The following EPHA3 variants were observed in gnomAD, a reference collection of about 807,000 sequenced individuals.
The protein encoded by EPHA3 is EPH receptor A3.
Under a neutral mutation model 107.1 loss-of-function variants are expected in EPHA3, and 42 were observed. The observed-to-expected ratio is 0.39, with a 90% CI of 0.31 to 0.51. The LOEUF (loss-of-function observed/expected upper bound fraction) is 0.51. Ranked by LOEUF, EPHA3 falls within the 20% of genes least tolerant of loss-of-function variation. The pLI is 0.78. For synonymous variants in EPHA3, 461 were observed against 424.8 expected, an observed-to-expected ratio of 1.09 and a Z score of -1.05; for missense variants, 1,183 against 1,211.2, an observed-to-expected ratio of 0.98 and a Z score of 0.35.
intron 3 of EPHA3, among the ~76,000 whole-genome samples, chr3:89,242,095 A>G (rs556076291): frequency 1.3e-5 from 2 of 152,222 alleles, no homozygotes; most frequent in African/African-American, 4.8e-5. Flanking sequence ...TATGAAAGGA[A>G]ATACACGGTT....
At chr3:89,335,149 G>A (rs761225237) in intron 3 of EPHA3, among the ~76,000 whole-genome samples, 10 of 152,094 alleles carry the variant, frequency 6.6e-5, no homozygotes, top group Non-Finnish European at 2.9e-5. Flanking sequence ...AATACCATAA[G>A]CTGGTTAGTT....
At chr3:89,247,170 A>T (rs1705052372) in intron 3 of EPHA3, among the ~76,000 whole-genome samples, 1 of 152,216 alleles carries the variant, frequency 6.6e-6, no homozygotes, top group South Asian at 2.1e-4. Context: ...TAGGGAGAAG[A>T]CAAATAAAGT....
intron 13 of EPHA3, among the ~76,000 whole-genome samples, chr3:89,437,004 GTTA>G (rs1709685219): frequency 6.6e-6 from 1 of 152,044 alleles, no homozygotes; most frequent in African/African-American, 2.4e-5. Context: ...ATTATACAAT[GTTA>G]TTATGCATCC....
intron 5 of EPHA3, among the ~76,000 whole-genome samples, chr3:89,357,088 AAG>A (rs1156685453): frequency 4.7e-5 from 6 of 128,944 alleles, no homozygotes; most frequent in Admixed American, 8.2e-5. Context: ...AGCCTGGTGA[AAG>A]AGTGAGACCC....
At chr3:89,162,558 G>A (rs1206009414) in intron 2 of EPHA3, among the ~76,000 whole-genome samples, 1 of 152,076 alleles carries the variant, frequency 6.6e-6, no homozygotes, top group East Asian at 1.9e-4. Context: ...TGTAGTTTGG[G>A]TTCCCCTGAA....
intron 3 of EPHA3, among the ~76,000 whole-genome samples, chr3:89,242,861 G>A (rs13060907): frequency 0.24 from 36,349 of 150,816 alleles, 4,831 homozygotes; most frequent in African/African-American, 0.37. Context: ...CCATTAACTC[G>A]TCATTTAACG....
chr3:89,351,366 A>G (rs1707813930), intron 5 of EPHA3, among the ~76,000 whole-genome samples: 1 of 150,934 alleles, frequency 6.6e-6, no homozygotes, highest in Non-Finnish European at 1.5e-5. Context: ...TTCGGGTGGG[A>G]GTGACCCGAT....
At chr3:89,189,167 T>A (rs1705642759) in intron 2 of EPHA3, among the ~76,000 whole-genome samples, 1 of 152,314 alleles carries the variant, frequency 6.6e-6, no homozygotes, top group East Asian at 1.9e-4. Context: ...ATGGGAAGGA[T>A]TGTCCTTACC....
chr3:89,269,990 T>C (rs969444254), intron 3 of EPHA3, among the ~76,000 whole-genome samples: 3 of 152,006 alleles, frequency 2.0e-5, no homozygotes, highest in African/African-American at 7.2e-5. Flanking sequence ...GGGTCTGAGT[T>C]GGGTTATCTT....
chr3:89,424,845 ATTTCG>A (rs1285560413), intron 11 of EPHA3, among the ~76,000 whole-genome samples: 7 of 151,450 alleles, frequency 4.6e-5, no homozygotes, highest in Non-Finnish European at 1.0e-4. Context: ...AAGATGTTAA[ATTTCG>A]TTTCAAGTTA....
chr3:89,169,043 A>G (rs1417569490), intron 2 of EPHA3, among the ~76,000 whole-genome samples: 2 of 152,188 alleles, frequency 1.3e-5, no homozygotes, highest in Non-Finnish European at 1.5e-5. Flanking sequence ...CTGTCTGGAG[A>G]CAACTGTTCC....
At chr3:89,175,475 A>G (rs1705302171) in intron 2 of EPHA3, among the ~76,000 whole-genome samples, 2 of 152,166 alleles carry the variant, frequency 1.3e-5, no homozygotes, top group African/African-American at 4.8e-5. Context: ...ACATTCTTTA[A>G]ATATTAAGAC....
chr3:89,154,409 C>A (rs530845911), intron 2 of EPHA3, among the ~76,000 whole-genome samples: 16 of 151,092 alleles, frequency 1.1e-4, no homozygotes, highest in African/African-American at 3.9e-4. Flanking sequence ...GATTTTTTTT[C>A]AGAAAAAGTT....
chr3:89,352,632 G>C (rs532492607), intron 5 of EPHA3, among the ~76,000 whole-genome samples: 2 of 151,058 alleles, frequency 1.3e-5, no homozygotes, highest in African/African-American at 4.8e-5. Flanking sequence ...GGCTAGGTGT[G>C]GTGGCTCATG....
intron 11 of EPHA3, among the ~76,000 whole-genome samples, chr3:89,423,010 A>G (rs1182236927): frequency 6.6e-6 from 1 of 151,312 alleles, no homozygotes; most frequent in Admixed American, 6.6e-5. Flanking sequence ...CTGAAGTTCA[A>G]AAGGATAGAA....
At chr3:89,196,426 CA>C (rs1705837946) in intron 2 of EPHA3, among the ~76,000 whole-genome samples, 1 of 111,750 alleles carries the variant, frequency 8.9e-6, no homozygotes, top group Non-Finnish European at 1.9e-5. Context: ...GGAGAGATTT[CA>C]AGTCATAGAT....
chr3:89,358,596 C>T (rs542199962), intron 5 of EPHA3, among the ~76,000 whole-genome samples: 1 of 151,202 alleles, frequency 6.6e-6, no homozygotes, highest in South Asian at 2.1e-4. Flanking sequence ...CAAGAAAAGA[C>T]AGGCAAAGCC....
At chr3:89,420,588 T>G (rs957517057) in intron 11 of EPHA3, among the ~76,000 whole-genome samples, 7 of 151,534 alleles carry the variant, frequency 4.6e-5, no homozygotes, top group African/African-American at 1.7e-4. Context: ...ATTTTTAAAT[T>G]TTAAGTTAAT....
chr3:89,450,496 A>G, intron 15 of EPHA3, 126 bp downstream of exon 15: 1 of 805,050 alleles, frequency 1.2e-6, no homozygotes, highest in Non-Finnish European at 1.9e-6. Flanking sequence ...CATATTAGAG[A>G]GATGTATTTC....
Sources: allele counts gnomAD v4.1 joint callset (sites outside exome capture counted in the v4.1 genomes callset), GRCh38; gene constraint gnomAD v4.1.1; transcripts MANE v1.5; gene names NCBI Gene and HGNC (gene_info 2026-07-23, HGNC 2026-07-21).